The following AKT3 variants were observed in gnomAD, a reference collection of about 807,000 sequenced individuals.
AKT3 encodes AKT serine/threonine kinase 3, also known as RAC-gamma serine/threonine-protein kinase.
A neutral mutation model predicts 65.3 loss-of-function variants in AKT3; 15 were observed. That is an observed-to-expected ratio of 0.23 (90% CI 0.15 to 0.35). AKT3 has a LOEUF of 0.35. Among genes scored for constraint, AKT3 ranks in the 10% least tolerant of loss-of-function variants. The pLI is 1.00. For synonymous variants in AKT3, 206 were observed against 183.8 expected (o/e 1.12, Z -0.98); for missense variants, 243 against 576.5 (o/e 0.42, Z 5.92).
At chr1:243,810,374 A>G (rs1450620097) in intron 2 of AKT3, among the ~76,000 whole-genome samples, 1 of 152,202 alleles carries the variant, frequency 6.6e-6, no homozygotes, top group African/African-American at 2.4e-5. Context: ...AATACAAACT[A>G]CTATCAGAGA....
intron 2 of AKT3, among the ~76,000 whole-genome samples, chr1:243,762,699 T>C (rs993835890): frequency 8.5e-5 from 13 of 152,088 alleles, no homozygotes; most frequent in African/African-American, 2.7e-4. Context: ...GTAAAGATCA[T>C]TGACACTGTA....
chr1:243,827,497 T>TA (rs1694244164), intron 2 of AKT3, among the ~76,000 whole-genome samples: 1 of 152,104 alleles, frequency 6.6e-6, no homozygotes, highest in Admixed American at 6.5e-5. Context: ...TATTCCACAT[T>TA]AAAAAAATAC....
At chr1:243,656,001 C>G (rs967159403) in intron 4 of AKT3, among the ~76,000 whole-genome samples, 1 of 151,134 alleles carries the variant, frequency 6.6e-6, no homozygotes, top group African/African-American at 2.4e-5. Flanking sequence ...TCTTTTCCAG[C>G]TTCACTAGTG....
At chr1:243,751,309 C>A (rs10927065) in intron 2 of AKT3, among the ~76,000 whole-genome samples, 29,861 of 152,198 alleles carry the variant, frequency 0.2, 3,221 homozygotes, top group East Asian at 0.32. Context: ...CTGTGACAGA[C>A]TCTTTAAAGC....
intron 12 of AKT3, among the ~76,000 whole-genome samples, chr1:243,516,680 AAGCAATCCTCCTGCCTCAGCCTCCTTG>A (rs1194553680): frequency 8.1e-4 from 122 of 150,430 alleles, no homozygotes; most frequent in East Asian, 1.9e-3. Context: ...CAGCCTCCTG[AAGCAATCCTCCTGCCTCAGCCTCCTTG>A]AGCAATCCTC....
At chr1:243,748,143 A>T (rs1652766153) in intron 2 of AKT3, among the ~76,000 whole-genome samples, 1 of 152,194 alleles carries the variant, frequency 6.6e-6, no homozygotes, top group Admixed American at 6.5e-5. Context: ...AGTGGAAATC[A>T]ACATGGTTTG....
At chr1:243,720,825 C>T (rs182398692) in intron 2 of AKT3, among the ~76,000 whole-genome samples, 5 of 152,204 alleles carry the variant, frequency 3.3e-5, no homozygotes, top group African/African-American at 9.6e-5. Context: ...GAAAAGCTCA[C>T]GGTATATACT....
At chr1:243,719,061 C>T (rs1686705193) in intron 2 of AKT3, among the ~76,000 whole-genome samples, 1 of 152,162 alleles carries the variant, frequency 6.6e-6, no homozygotes. Flanking sequence ...TAACTCCCAG[C>T]AAACAAGATA....
intron 2 of AKT3, among the ~76,000 whole-genome samples, chr1:243,725,635 A>G (rs1313973258): frequency 6.6e-6 from 1 of 152,208 alleles, no homozygotes; most frequent in Non-Finnish European, 1.5e-5. Context: ...TGACAACTAA[A>G]TAAGATAAAA....
At chr1:243,584,931 G>A (rs1157308879) in intron 8 of AKT3, among the ~76,000 whole-genome samples, 1 of 151,898 alleles carries the variant, frequency 6.6e-6, no homozygotes, top group African/African-American at 2.4e-5. Context: ...AAATAAAAAG[G>A]CATCCTAATA....
At position 243,572,996 on chromosome 1, in the gene AKT3, A is replaced by G. The variant is rs1226713181; in HGVS notation, c.749T>C (p.Phe250Ser). Residue 250 changes from phenylalanine (F) to serine (S), a missense_variant, in exon 9 of 14, where the codon TTC becomes TCC. This residue lies in a region of AKT3 where 61 missense variants were observed against 163.3 expected (regional missense o/e 0.37). Transcript: ENST00000673466. ...GGCAGAGACAATTTCTGCACCATAGAAACGTGTGCGGTCCTCAGAGAACAC... is the reference window on the plus strand; with the variant it reads ...GGCAGAGACAATTTCTGCACCATAGGAACGTGTGCGGTCCTCAGAGAACAC... Reference protein sequence around the residue: ...ERVFSEDRTRFYGAEIVSALD... With the variant: ...ERVFSEDRTRSYGAEIVSALD... The G allele has an allele frequency of 1.2e-6, 2 of 1,613,520 alleles. No homozygotes were observed. The highest frequency in any genetic ancestry group is 1.7e-6 in the Non-Finnish European group (2 of 1,179,654).
Position 243,502,682 on chromosome 1 carries a change from A to C in AKT3, c.*2567T>G, listed in dbSNP as rs1484362042. The C allele has an allele frequency of 4.3e-6, 1 of 233,094 alleles. No individual in the cohort carries two copies. 14.4% of individuals were successfully genotyped at this position (233,094 alleles called of 1,614,324 possible). On this transcript the variant is annotated 3_prime_UTR_variant, in exon 14 of 14. Transcript: ENST00000673466. ...ACAGATCTGGAAGTGAAAATAGGGG[A>C]TTCTCAAAATCAAAGCCAAGAAGAC...
At chr1:243,834,561 T>C (rs1190299212) in intron 2 of AKT3, among the ~76,000 whole-genome samples, 1 of 152,154 alleles carries the variant, frequency 6.6e-6, no homozygotes, top group African/African-American at 2.4e-5. Flanking sequence ...TTAGAGAGTA[T>C]ACACTGAGAG....
chr1:243,500,792 C>T lies in AKT3; in HGVS notation c.*4457G>A, dbSNP rs980201901. ...TTTGGAGGCGGTGGCATGATCTACA[C>T]ACAGAGACCATTTGAATCTCTTGAG... is the stretch of plus-strand genomic sequence containing the variant. On this transcript the variant is annotated 3_prime_UTR_variant, in exon 14 of 14. Coordinates refer to ENST00000673466, the MANE Select transcript of AKT3 (RefSeq NM_005465.7). 4.4e-5 allele frequency: 10 copies of T among 229,010 alleles called. No individual in the cohort carries two copies. Among genetic ancestry groups the T allele is most frequent in the African/African-American group, 1.1e-4 (5 of 45,118 alleles). 14.2% of individuals were successfully genotyped at this position (229,010 alleles called of 1,614,324 possible).
chr1:243,678,883 T>C (rs1683716682), intron 3 of AKT3, among the ~76,000 whole-genome samples: 1 of 152,154 alleles, frequency 6.6e-6, no homozygotes, highest in South Asian at 2.1e-4. Context: ...AACGGCACAA[T>C]TCCACTTATA....
At chr1:243,822,529 G>A (rs1044574287) in intron 2 of AKT3, among the ~76,000 whole-genome samples, 6 of 148,710 alleles carry the variant, frequency 4.0e-5, no homozygotes, top group African/African-American at 1.2e-4. Flanking sequence ...TAGCTAGAAC[G>A]CCAGCTAGAT....
At chr1:243,843,389 A>C in intron 1 of AKT3, 107 bp from the exon 2 acceptor site, 1 of 1,181,188 alleles carries the variant, frequency 8.5e-7, no homozygotes, top group Non-Finnish European at 1.1e-6. Flanking sequence ...CTGACCTCAC[A>C]TAAAAGTCTG....
intron 2 of AKT3, among the ~76,000 whole-genome samples, chr1:243,737,131 T>C (rs1288808229): frequency 6.6e-6 from 1 of 152,152 alleles, no homozygotes; most frequent in African/African-American, 2.4e-5. Flanking sequence ...ACTCTTACTC[T>C]ACCTTCGGAT....
chr1:243,659,212 G>A (rs913424847), intron 4 of AKT3, among the ~76,000 whole-genome samples: 1 of 152,184 alleles, frequency 6.6e-6, no homozygotes, highest in Non-Finnish European at 1.5e-5. Flanking sequence ...TGTGTCTAAA[G>A]TAGTCGAATT....
Sources: gnomAD v4.1 joint callset for allele counts (sites outside exome capture counted in the v4.1 genomes callset) on GRCh38, gnomAD v4.1.1 for gene constraint, gnomAD v4.1.1 regional missense constraint, MANE v1.5 for transcripts, NCBI Gene and HGNC (gene_info 2026-07-23, HGNC 2026-07-21) for gene names.